The following CAMK2D variants were observed in gnomAD, a reference collection of about 807,000 sequenced individuals.
The protein encoded by CAMK2D is calcium/calmodulin dependent protein kinase II delta.
A neutral mutation model predicts 84.0 loss-of-function variants in CAMK2D; 37 were observed. The observed-to-expected ratio is 0.44, with a 90% confidence interval of 0.34 to 0.58. The LOEUF (loss-of-function observed/expected upper bound fraction) is 0.58, where lower values mean the gene tolerates loss of function less well. Among genes scored for constraint, CAMK2D ranks in the 20% least tolerant of loss-of-function variants. CAMK2D has a pLI of 0.02. For synonymous variants in CAMK2D, 202 were observed against 212.5 expected (o/e 0.95, Z 0.43); for missense variants, 448 against 652.5 (o/e 0.69, Z 3.41).
At chr4:113,555,574 TA>T (rs767917995) in intron 4 of CAMK2D, among the ~76,000 whole-genome samples, 2 of 152,064 alleles carry the variant, frequency 1.3e-5, no homozygotes, top group Admixed American at 6.6e-5. Context: ...TTTTTATTTG[TA>T]AAAAAACATA....
chr4:113,612,008 C>G (rs1350215545), intron 3 of CAMK2D, among the ~76,000 whole-genome samples: 1 of 152,100 alleles, frequency 6.6e-6, no homozygotes, highest in Non-Finnish European at 1.5e-5. Flanking sequence ...CTATGTCCCA[C>G]CCTACTTCCT....
At chr4:113,472,903 T>C (rs2097563517) in intron 16 of CAMK2D, among the ~76,000 whole-genome samples, 1 of 152,166 alleles carries the variant, frequency 6.6e-6, no homozygotes, top group Admixed American at 6.5e-5. Flanking sequence ...TTCTTACAGG[T>C]TATTGGGTAC....
intron 3 of CAMK2D, among the ~76,000 whole-genome samples, chr4:113,656,469 T>C (rs940779224): frequency 1.3e-5 from 2 of 152,154 alleles, no homozygotes; most frequent in African/African-American, 4.8e-5. Flanking sequence ...TCACTGATTG[T>C]GCTCATGTAA....
intron 4 of CAMK2D, among the ~76,000 whole-genome samples, chr4:113,600,542 C>A (rs986483899): frequency 6.6e-6 from 1 of 152,068 alleles, no homozygotes; most frequent in Non-Finnish European, 1.5e-5. Flanking sequence ...AATATTTTAT[C>A]TAACTTCATG....
At chr4:113,589,366 A>G (rs1366136612) in intron 4 of CAMK2D, among the ~76,000 whole-genome samples, 2 of 152,126 alleles carry the variant, frequency 1.3e-5, no homozygotes, top group African/African-American at 4.8e-5. Context: ...AAGTTCTGAC[A>G]GATTCAAGTT....
intron 2 of CAMK2D, chr4:113,754,905 CTAATT>C: frequency 2.0e-6 from 2 of 982,614 alleles, no homozygotes; most frequent in Non-Finnish European, 2.4e-6. Context: ...AAATGATTTA[CTAATT>C]TTTTTCTTAA....
intron 8 of CAMK2D, among the ~76,000 whole-genome samples, chr4:113,525,118 C>T (rs537304605): frequency 2.2e-4 from 33 of 152,112 alleles, no homozygotes; most frequent in Non-Finnish European, 3.7e-4. Context: ...CATTGCTGAA[C>T]CTAAATTCAC....
At chr4:113,504,791 A>G (rs2098105559) in intron 14 of CAMK2D, among the ~76,000 whole-genome samples, 185 bp downstream of exon 14, 1 of 151,850 alleles carries the variant, frequency 6.6e-6, no homozygotes, top group Non-Finnish European at 1.5e-5. Flanking sequence ...ACTTAACCAA[A>G]AAAAACCAAA....
At position 113,585,743 on chromosome 4, in the gene CAMK2D, G is replaced by T. The variant is rs545789783; in HGVS notation, c.275+23409C>A. ...TATAGTATAGATAGTATATAGTACA[G>T]TATATAGTATAGTATAGATTAGTAT... On this transcript the variant is annotated intron_variant, in intron 4 of 20. Coordinates refer to ENST00000511664, the MANE Select transcript of CAMK2D (RefSeq NM_001321571.2). Among the ~76,000 whole-genome samples, 24 of 151,312 alleles carry T rather than the reference G, an allele frequency of 1.6e-4. 1 individual carries two copies. The South Asian group carries it at 4.4e-3, about 28-fold the overall frequency.
chr4:113,509,020 G>A (rs575478732), intron 13 of CAMK2D, among the ~76,000 whole-genome samples: 2 of 152,048 alleles, frequency 1.3e-5, no homozygotes, highest in Non-Finnish European at 2.9e-5. Flanking sequence ...CAATCAGTAG[G>A]AAAGAAACTG....
chr4:113,716,649 C>CAAAAAAAAA, intron 2 of CAMK2D, among the ~76,000 whole-genome samples: 1 of 76,148 alleles, frequency 1.3e-5, no homozygotes, highest in Non-Finnish European at 2.5e-5. Flanking sequence ...AGACTCCATC[C>CAAAAAAAAA]AAAAAAAAAA....
intron 3 of CAMK2D, among the ~76,000 whole-genome samples, chr4:113,613,394 G>C (rs1387306004): frequency 1.3e-5 from 2 of 152,004 alleles, no homozygotes; most frequent in African/African-American, 4.8e-5. Flanking sequence ...CAAATACCTG[G>C]TGGGATATGA....
At chr4:113,598,659 A>G (rs1272148822) in intron 4 of CAMK2D, among the ~76,000 whole-genome samples, 1 of 152,216 alleles carries the variant, frequency 6.6e-6, no homozygotes, top group African/African-American at 2.4e-5. Flanking sequence ...CTGTTATCCA[A>G]AATATACAAA....
At chr4:113,493,681 C>A (rs981503354) in intron 16 of CAMK2D, among the ~76,000 whole-genome samples, 3 of 151,774 alleles carry the variant, frequency 2.0e-5, no homozygotes, top group Non-Finnish European at 4.4e-5. Context: ...TGAATCTGAA[C>A]GTTGGCCTGC....
Position 113,452,595 on chromosome 4 carries a change from C to T in CAMK2D, c.*1950G>A, listed in dbSNP as rs1014987671. The T allele has an allele frequency of 2.6e-5, 4 of 152,352 alleles. No individual in the cohort carries two copies. Among genetic ancestry groups the T allele is most frequent in the Non-Finnish European group, 4.4e-5 (3 of 67,992 alleles). 9.4% of individuals were successfully genotyped at this position (152,352 alleles called of 1,614,324 possible). A position where few individuals can be genotyped will look rare whatever the true frequency, so the allele number is the denominator to read the frequency against. On this transcript the variant is annotated 3_prime_UTR_variant, in exon 21 of 21. Transcript: ENST00000511664. ...ATCACAATTTCCTCACATCTTAGTG[C>T]GGAAGACAAACTTGATCTACAGTAA...
intron 7 of CAMK2D, 100 bp from the exon 8 acceptor site, chr4:113,531,399 A>T: frequency 2.8e-6 from 2 of 702,600 alleles, no homozygotes; most frequent in Non-Finnish European, 5.2e-6. Flanking sequence ...TTATCTGATT[A>T]TATGTTTTTC....
chr4:113,477,734 A>G (rs1281559659), intron 16 of CAMK2D, among the ~76,000 whole-genome samples: 1 of 128,278 alleles, frequency 7.8e-6, no homozygotes, highest in African/African-American at 3.0e-5. Context: ...CAACAGAGTG[A>G]GACTCTGTCT....
chr4:113,491,487 T>G (rs2154138954), intron 16 of CAMK2D, among the ~76,000 whole-genome samples: 2 of 152,004 alleles, frequency 1.3e-5, no homozygotes, highest in African/African-American at 4.8e-5. Flanking sequence ...ATCCCAGGGA[T>G]GAAGCCCACT....
At chr4:113,715,377 G>A (rs1331719330) in intron 2 of CAMK2D, among the ~76,000 whole-genome samples, 1 of 151,910 alleles carries the variant, frequency 6.6e-6, no homozygotes, top group African/African-American at 2.4e-5. Flanking sequence ...TTATTTTTTA[G>A]AGTTTTTGGT....
Sources: gnomAD v4.1 joint callset for allele counts (sites outside exome capture counted in the v4.1 genomes callset) on GRCh38, gnomAD v4.1.1 for gene constraint, MANE v1.5 for transcripts, NCBI Gene and HGNC (gene_info 2026-07-23, HGNC 2026-07-21) for gene names.